Variants in DNAH5 observed in about 807,000 individuals in gnomAD.
DNAH5 encodes the protein dynein axonemal heavy chain 5, also known as axonemal beta dynein heavy chain 5.
DNAH5 carries 372 observed loss-of-function variants against 518.2 expected under a neutral mutation model. The ratio of observed to expected loss-of-function variants is 0.72; its 90% CI spans 0.66 to 0.78. DNAH5 has a LOEUF of 0.78. DNAH5 is among the 30% of genes least tolerant of loss of function. The pLI, the probability that DNAH5 is intolerant of heterozygous loss-of-function variation, is 0.00. For synonymous variants in DNAH5, 2,039 were observed against 2,025.9 expected (o/e 1.01, Z -0.17); for missense variants, 5,523 against 5,687.0 (o/e 0.97, Z 0.93).
chr5:13,971,917 G>A (rs1408043809), intron 1 of DNAH5, among the ~76,000 whole-genome samples: 2 of 152,282 alleles, frequency 1.3e-5, no homozygotes, highest in East Asian at 3.9e-4. Flanking sequence ...AGCTACCAAG[G>A]TGGGTAGAAA....
At position 13,751,099 on chromosome 5, in the gene DNAH5, C is replaced by A; in HGVS notation, c.11190G>T (p.Arg3730Ser). 1 of 1,613,786 alleles carries A rather than the reference C, an allele frequency of 6.2e-7. No homozygotes were observed. Among genetic ancestry groups the A allele is most frequent in the Non-Finnish European group, 8.5e-7 (1 of 1,179,868 alleles). ...TCACCTGCTTCTCTGTGAGAATGACCCTCCCCAGTAACTGATCTTCTAGAC... is the reference window on the plus strand; with the variant it reads ...TCACCTGCTTCTCTGTGAGAATGACACTCCCCAGTAACTGATCTTCTAGAC... Reference protein sequence around the residue: ...MKGLEDQLLGRVILTEKQELE... With the variant: ...MKGLEDQLLGSVILTEKQELE... Residue 3730 changes from arginine (R) to serine (S), a missense_variant, in exon 65 of 79, where the codon AGG (arginine) becomes AGT (serine). By Grantham distance (110) the Arg-to-Ser change is moderately radical (BLOSUM62 -1). Around this residue, in one of 3 missense-constraint regions of DNAH5, gnomAD observed 5,121 missense variants for 5,223.3 expected, o/e 0.98. Transcript: ENST00000265104.
At chr5:13,745,310 C>T (rs748857914) in intron 65 of DNAH5, among the ~76,000 whole-genome samples, 1 of 151,980 alleles carries the variant, frequency 6.6e-6, no homozygotes, top group African/African-American at 2.4e-5. Flanking sequence ...AGCAGAATGT[C>T]CAAATCTACT....
At chr5:13,974,563 G>A (rs985162035) in intron 1 of DNAH5, among the ~76,000 whole-genome samples, 1 of 152,144 alleles carries the variant, frequency 6.6e-6, no homozygotes, top group East Asian at 1.9e-4. Context: ...CAATAGGGAT[G>A]GTGAAAAGAG....
chr5:13,758,708 A>G (rs993979802), intron 61 of DNAH5, 138 bp downstream of exon 61: 5 of 1,280,182 alleles, frequency 3.9e-6, no homozygotes, highest in Non-Finnish European at 5.6e-6. Context: ...CTGTTGTCTC[A>G]TCAAAGACCC....
chr5:13,761,084 T>C (rs1048060905), intron 60 of DNAH5, among the ~76,000 whole-genome samples: 3 of 152,328 alleles, frequency 2.0e-5, no homozygotes, highest in South Asian at 2.1e-4. Context: ...CCACTACTGA[T>C]AGTGTTCCCT....
At chr5:13,868,085 G>T in intron 24 of DNAH5, 93 bp from the exon 25 acceptor site, 1 of 980,410 alleles carries the variant, frequency 1.0e-6, no homozygotes, top group Non-Finnish European at 1.6e-6. Context: ...GAAAATACCA[G>T]AATAATAGTG....
intron 31 of DNAH5, 38 bp from the exon 32 acceptor site, chr5:13,845,031 A>G: frequency 6.2e-7 from 1 of 1,603,754 alleles, no homozygotes. Flanking sequence ...TTATAACCAC[A>G]CAAAGCTGGT....
intron 45 of DNAH5, 120 bp from the exon 46 acceptor site, chr5:13,809,306 TC>T: frequency 8.1e-7 from 1 of 1,232,182 alleles, no homozygotes; most frequent in East Asian, 2.3e-5. Flanking sequence ...AAAATGAAGA[TC>T]ATTAAAATTA....
intron 43 of DNAH5, among the ~76,000 whole-genome samples, chr5:13,812,866 A>G (rs1760900382): frequency 6.6e-6 from 1 of 152,200 alleles, no homozygotes; most frequent in Admixed American, 6.5e-5. Flanking sequence ...CCAAGAAACA[A>G]TTAGAGACTC....
At chr5:13,801,325 C>T (rs886680251) in intron 47 of DNAH5, among the ~76,000 whole-genome samples, 2 of 152,214 alleles carry the variant, frequency 1.3e-5, no homozygotes, top group Non-Finnish European at 2.9e-5. Flanking sequence ...GTCTACTTCC[C>T]CTTCCAACAT....
At chr5:13,818,599 G>C (rs1561343050) in intron 41 of DNAH5, among the ~76,000 whole-genome samples, 1 of 152,140 alleles carries the variant, frequency 6.6e-6, no homozygotes, top group Non-Finnish European at 1.5e-5. Flanking sequence ...AGTAGCACCT[G>C]GTCTGTATGC....
chr5:13,769,778 T>C (rs1417735512), intron 56 of DNAH5, among the ~76,000 whole-genome samples, 163 bp from the exon 57 acceptor site: 1 of 152,234 alleles, frequency 6.6e-6, no homozygotes, highest in Non-Finnish European at 1.5e-5. Context: ...GATCCAGTCT[T>C]GACTCTAGAC....
chr5:13,790,943 AG>A (rs760815619), intron 50 of DNAH5, among the ~76,000 whole-genome samples: 1 of 152,170 alleles, frequency 6.6e-6, no homozygotes, highest in Non-Finnish European at 1.5e-5. Context: ...GAGGAGAGAG[AG>A]GAGCAGAAAA....
intron 43 of DNAH5, among the ~76,000 whole-genome samples, chr5:13,813,111 A>G (rs538349939): frequency 1.3e-5 from 2 of 152,294 alleles, no homozygotes; most frequent in East Asian, 3.9e-4. Flanking sequence ...TGTTCTAAAC[A>G]TTTCCAATCT....
chr5:13,855,487 C>T (rs1257914560), intron 30 of DNAH5, among the ~76,000 whole-genome samples: 2 of 150,294 alleles, frequency 1.3e-5, no homozygotes, highest in East Asian at 1.9e-4. Context: ...GGATTACAGG[C>T]GTGAGCCACC....
At chr5:13,831,155 A>T (rs958834289) in intron 35 of DNAH5, among the ~76,000 whole-genome samples, 4 of 152,234 alleles carry the variant, frequency 2.6e-5, no homozygotes, top group African/African-American at 9.6e-5. Context: ...AAATGTATAT[A>T]TTCTGTGAAA....
chr5:13,923,575 A>G (rs1777533995), intron 3 of DNAH5, 135 bp from the exon 4 acceptor site: 1 of 917,938 alleles, frequency 1.1e-6, no homozygotes, highest in African/African-American at 1.6e-5. Context: ...CACCTCTTGA[A>G]CAATCTCTAG....
chr5:13,740,024 C>T (rs1261515860), intron 65 of DNAH5, among the ~76,000 whole-genome samples: 1 of 152,112 alleles, frequency 6.6e-6, no homozygotes, highest in Non-Finnish European at 1.5e-5. Flanking sequence ...TTCAAACATG[C>T]TCAACCTCAC....
At chr5:13,993,290 A>G (rs1315634903) in intron 1 of DNAH5, among the ~76,000 whole-genome samples, 1 of 152,226 alleles carries the variant, frequency 6.6e-6, no homozygotes, top group Non-Finnish European at 1.5e-5. Context: ...AAATACTCTG[A>G]GTTTTTATCA....
Sources: gnomAD v4.1 joint callset for allele counts (sites outside exome capture counted in the v4.1 genomes callset) on GRCh38, gnomAD v4.1.1 for gene constraint, gnomAD v4.1.1 regional missense constraint, MANE v1.5 for transcripts, NCBI Gene and HGNC (gene_info 2026-07-23, HGNC 2026-07-21) for gene names.